ZNF331: variants seen among roughly 807,000 people sequenced by gnomAD.
The protein encoded by ZNF331 is C2H2-like zinc finger protein rearranged in thyroid adenomas.
ZNF331 carries 2 observed loss-of-function variants against 7.0 expected under a neutral mutation model. The observed-to-expected ratio is 0.29, with a 90% CI of 0.12 to 0.90. The LOEUF is 0.90. Among genes scored for constraint, ZNF331 ranks in the 40% least tolerant of loss-of-function variants. The pLI is 0.58. For missense variants in ZNF331, 432 were observed against 587.7 expected, an observed-to-expected ratio of 0.74 and a Z score of 2.74; for synonymous variants, 196 against 205.4, an observed-to-expected ratio of 0.95 and a Z score of 0.39.
chr19:53,574,937 CTT>C (rs11354144), intron 5 of ZNF331, among the ~76,000 whole-genome samples: 39,825 of 119,352 alleles, frequency 0.33, 5,135 homozygotes, highest in South Asian at 0.5. Context: ...TTTTTCTTTT[CTT>C]TTTTTTTTTT....
At position 53,526,951 on chromosome 19, in the gene ZNF331, G is replaced by GTAATCC. The variant is rs200606106; in HGVS notation, c.-205+4267_-205+4268insTAATCC. ...TCATGCTTGTAATCCAGCACTTTAG[G>GTAATCC]AGGCCAAGGCAGGCGGATCACGAGG... On this transcript the variant is annotated intron_variant, in intron 2 of 6. Transcript: ENST00000253144. Among the ~76,000 whole-genome samples, 489 of 151,798 alleles carry GTAATCC rather than the reference G, an allele frequency of 3.2e-3. 10 individuals carry two copies. The East Asian group carries it at 0.07, about 22-fold the overall frequency.
intron 2 of ZNF331, among the ~76,000 whole-genome samples, chr19:53,543,618 A>G (rs866173473): frequency 6.6e-5 from 10 of 152,206 alleles, no homozygotes; most frequent in African/African-American, 2.4e-4. Context: ...ACTTTTTTTA[A>G]AGAAAAAAAG....
chr19:53,530,364 G>A (rs866313474), intron 2 of ZNF331, among the ~76,000 whole-genome samples: 2 of 111,306 alleles, frequency 1.8e-5, no homozygotes, highest in Non-Finnish European at 3.8e-5. Context: ...CTCCCACCAG[G>A]CCCCACCTCC....
At chr19:53,522,771 G>A (rs2087135733) in intron 2 of ZNF331, 1 of 152,178 alleles carries the variant, frequency 6.6e-6, no homozygotes, top group Non-Finnish European at 1.5e-5. Context: ...TTCCCAAATA[G>A]TCATTTATCC....
intron 2 of ZNF331, among the ~76,000 whole-genome samples, chr19:53,532,263 T>C (rs182475563): frequency 2.6e-5 from 4 of 151,748 alleles, no homozygotes; most frequent in Admixed American, 2.6e-4. Context: ...TGTCCCAGCC[T>C]CTGGTAACCA....
intron 2 of ZNF331, among the ~76,000 whole-genome samples, chr19:53,527,320 A>G (rs1289933482): frequency 1.3e-5 from 2 of 152,234 alleles, no homozygotes; most frequent in African/African-American, 4.8e-5. Flanking sequence ...TGTGGGAAGC[A>G]TAACAAGTGT....
chr19:53,562,003 G>T (rs1472107568), intron 3 of ZNF331, among the ~76,000 whole-genome samples: 1 of 151,754 alleles, frequency 6.6e-6, no homozygotes, highest in Non-Finnish European at 1.5e-5. Flanking sequence ...CAAAAATTAG[G>T]CAGGCGTGGT....
intron 2 of ZNF331, among the ~76,000 whole-genome samples, chr19:53,532,656 G>A (rs902369099): frequency 6.6e-6 from 1 of 152,110 alleles, no homozygotes. Context: ...GTCCTGGGCT[G>A]TTCTTTGATC....
At chr19:53,505,877 C>G in the ZNF331 span, among the ~76,000 whole-genome samples, 1 of 151,536 alleles carries the variant, frequency 6.6e-6, no homozygotes, top group Admixed American at 6.6e-5. Context: ...CCCAGCTACT[C>G]GGGTGGCTGG....
At chr19:53,506,444 GTC>G in the ZNF331 span, among the ~76,000 whole-genome samples, 1,392 of 86,074 alleles carry the variant, frequency 0.016, 37 homozygotes, top group East Asian at 0.08. Context: ...CTCTCTCTCT[GTC>G]TCTCTCTCTC....
At chr19:53,554,422 A>T (rs1321783684) in intron 2 of ZNF331, 1 of 152,234 alleles carries the variant, frequency 6.6e-6, no homozygotes, top group Non-Finnish European at 1.5e-5. Context: ...GTGCACGCAC[A>T]TGCGTGTCGG....
chr19:53,507,277 TTATC>T, the ZNF331 span, among the ~76,000 whole-genome samples: 1 of 152,142 alleles, frequency 6.6e-6, no homozygotes, highest in African/African-American at 2.4e-5. Context: ...ATTTTGAACA[TTATC>T]TGTTACTTTG....
intron 2 of ZNF331, among the ~76,000 whole-genome samples, chr19:53,553,312 T>A (rs1342673671): frequency 1.3e-5 from 2 of 150,854 alleles, no homozygotes; most frequent in Non-Finnish European, 3.0e-5. Context: ...AAAAAAAAAT[T>A]AGTGTCTTGA....
intron 2 of ZNF331, among the ~76,000 whole-genome samples, chr19:53,529,397 CTT>C (rs1568462705): frequency 2.9e-5 from 3 of 104,052 alleles, no homozygotes; most frequent in South Asian, 5.4e-4. Flanking sequence ...AAGACTCTGT[CTT>C]TTAAAAAAAA....
chr19:53,525,597 C>T (rs1423166482), intron 2 of ZNF331, among the ~76,000 whole-genome samples: 1 of 152,138 alleles, frequency 6.6e-6, no homozygotes, highest in Non-Finnish European at 1.5e-5. Flanking sequence ...GACTTTTGCA[C>T]ATTGATTTTG....
upstream of ZNF331, among the ~76,000 whole-genome samples, chr19:53,533,734 T>C (rs1334314570): frequency 1.3e-5 from 2 of 152,252 alleles, no homozygotes; most frequent in African/African-American, 4.8e-5. Context: ...TTTATAATTC[T>C]ATAATGACTT....
chr19:53,544,520 G>A (rs988729384), intron 2 of ZNF331, among the ~76,000 whole-genome samples: 1 of 147,326 alleles, frequency 6.8e-6, no homozygotes, highest in East Asian at 2.0e-4. Flanking sequence ...ACTCCAGCCT[G>A]GGCGACAGAG....
At chr19:53,541,404 C>A (rs2088169903) in intron 2 of ZNF331, among the ~76,000 whole-genome samples, 1 of 152,066 alleles carries the variant, frequency 6.6e-6, no homozygotes, top group Non-Finnish European at 1.5e-5. Context: ...CCGTGCCCGG[C>A]CTATATTTCT....
At position 53,524,728 on chromosome 19, in the gene ZNF331, G is replaced by A. The variant is rs912672293; in HGVS notation, c.-205+2044G>A. ...ATTCTGTAGGTTGTCTGTTCCTTCT[G>A]ATAGTAGTTTCTTTTGCTGTTCAGA... On this transcript the variant is annotated intron_variant, in intron 2 of 6. Coordinates refer to the ZNF331 transcript ENST00000253144. Among the ~76,000 whole-genome samples the A allele has an allele frequency of 7.9e-5, 12 of 152,204 alleles. No individual in the cohort carries two copies. In the South Asian group the frequency reaches 1.7e-3, roughly 21 times the overall value.
Sources: allele counts gnomAD v4.1 joint callset (sites outside exome capture counted in the v4.1 genomes callset), GRCh38; gene constraint gnomAD v4.1.1; transcripts MANE v1.5; gene names NCBI Gene and HGNC (gene_info 2026-07-23, HGNC 2026-07-21).